ATP8A2: variants seen among roughly 807,000 people sequenced by gnomAD.
The protein encoded by ATP8A2 is phospholipid-transporting ATPase IB.
In ATP8A2, 100 loss-of-function variants were observed where a neutral mutation model predicts 165.6. The ratio of observed to expected loss-of-function variants is 0.60; its 90% CI spans 0.51 to 0.71. ATP8A2 has a LOEUF of 0.71. Ranked by LOEUF, ATP8A2 falls within the 30% of genes least tolerant of loss-of-function variation. ATP8A2 has a pLI of 0.00. For missense variants in ATP8A2, 1,227 were observed against 1,479.5 expected (o/e 0.83, Z 2.80); for synonymous variants, 543 against 548.8 (o/e 0.99, Z 0.15).
In ATP8A2 at chr13:26,012,569, G is replaced by GGAAGACGCCCCC; in HGVS notation, c.3419_3430dup (p.Lys1140_Pro1143dup). Reference sequence around the variant, plus strand: ...GACCGCCTGATCAAGAGGCTGGGCCGGAAGACGCCCCCGACGCTGTTCCGG... The same window carrying GGAAGACGCCCCC: ...GACCGCCTGATCAAGAGGCTGGGCCGGAAGACGCCCCCGAAGACGCCCCCGACGCTGTTCCGG... On this transcript the variant is annotated inframe_insertion, in exon 36 of 37. Coordinates refer to ENST00000381655, the MANE Select transcript of ATP8A2 (RefSeq NM_016529.6). The GGAAGACGCCCCC allele has an allele frequency of 5.9e-6, 9 of 1,532,370 alleles. No individual in the cohort carries two copies. Among genetic ancestry groups the GGAAGACGCCCCC allele is most frequent in the Non-Finnish European group, 7.9e-6 (9 of 1,139,478 alleles). 94.9% of individuals were successfully genotyped at this position (1,532,370 alleles called of 1,614,324 possible). A position where few individuals can be genotyped will look rare whatever the true frequency, so the allele number is the denominator to read the frequency against.
intron 24 of ATP8A2, among the ~76,000 whole-genome samples, chr13:25,658,573 A>G (rs2041983771): frequency 6.6e-6 from 1 of 152,214 alleles, no homozygotes; most frequent in Non-Finnish European, 1.5e-5. Flanking sequence ...TGAGAGGCAG[A>G]GGTTGCAGTG....
At chr13:25,648,179 G>A (rs1419486655) in intron 24 of ATP8A2, among the ~76,000 whole-genome samples, 1 of 151,924 alleles carries the variant, frequency 6.6e-6, no homozygotes, top group African/African-American at 2.4e-5. Context: ...TCTTTTCTCA[G>A]ATTAATTGAG....
intron 33 of ATP8A2, among the ~76,000 whole-genome samples, chr13:25,945,426 A>G (rs1248168785): frequency 2.0e-5 from 3 of 152,240 alleles, no homozygotes; most frequent in Non-Finnish European, 4.4e-5. Flanking sequence ...TGAAAGAAAG[A>G]AATCAACATT....
At position 25,880,192 on chromosome 13, in the gene ATP8A2, G is replaced by A. The variant is rs558115164; in HGVS notation, c.3183+17784G>A. Among the ~76,000 whole-genome samples the A allele has an allele frequency of 3.9e-5, 6 of 152,248 alleles. No individual in the cohort carries two copies. In the East Asian group the frequency reaches 7.7e-4, roughly 20 times the overall value. On this transcript the variant is annotated intron_variant, in intron 33 of 36. Transcript: ENST00000381655. ...GACTACATGTAATCATACATAATTC[G>A]TCAGTGTCTAAAGCAATTTGAATAA...
chr13:26,003,404 C>T (rs1956675652), intron 35 of ATP8A2, among the ~76,000 whole-genome samples: 1 of 151,084 alleles, frequency 6.6e-6, no homozygotes, highest in Admixed American at 6.6e-5. Flanking sequence ...TGTTTGTGTT[C>T]CTTGTGTATT....
chr13:25,823,908 C>G (rs1951242476), intron 27 of ATP8A2, among the ~76,000 whole-genome samples: 1 of 152,058 alleles, frequency 6.6e-6, no homozygotes, highest in Non-Finnish European at 1.5e-5. Flanking sequence ...TTAAAGTCTT[C>G]TGACCTTTGC....
intron 16 of ATP8A2, among the ~76,000 whole-genome samples, chr13:25,566,956 C>T (rs1308569318): frequency 6.6e-6 from 1 of 152,156 alleles, no homozygotes; most frequent in African/African-American, 2.4e-5. Flanking sequence ...ATCCCATTCT[C>T]TTTGGTGACT....
chr13:25,616,785 C>T (rs2040838087), intron 24 of ATP8A2, among the ~76,000 whole-genome samples: 1 of 152,106 alleles, frequency 6.6e-6, no homozygotes, highest in Admixed American at 6.6e-5. Flanking sequence ...CACCAGGGTT[C>T]ACCCTAAAAT....
At chr13:25,702,131 AT>A (rs1253405043) in intron 25 of ATP8A2, among the ~76,000 whole-genome samples, 7 of 152,312 alleles carry the variant, frequency 4.6e-5, no homozygotes, top group South Asian at 2.1e-4. Context: ...GTTGACCTTA[AT>A]TTTCACTTTT....
At chr13:25,655,167 T>G (rs1272765711) in intron 24 of ATP8A2, among the ~76,000 whole-genome samples, 1 of 152,194 alleles carries the variant, frequency 6.6e-6, no homozygotes, top group African/African-American at 2.4e-5. Context: ...TTTTCTTTTT[T>G]TCTTTTCTTT....
intron 1 of ATP8A2, among the ~76,000 whole-genome samples, chr13:25,424,494 T>G (rs1353680995): frequency 6.6e-6 from 1 of 152,256 alleles, no homozygotes; most frequent in Non-Finnish European, 1.5e-5. Context: ...CAGGGACCTC[T>G]GAGCAGGATG....
chr13:25,784,488 G>C (rs952901678), intron 27 of ATP8A2, among the ~76,000 whole-genome samples: 2 of 152,204 alleles, frequency 1.3e-5, no homozygotes, highest in African/African-American at 4.8e-5. Flanking sequence ...TTGCAGGCAA[G>C]GGGTGAATGT....
chr13:25,888,390 CTGA>C lies in ATP8A2; in HGVS notation c.3183+25984_3183+25986del, dbSNP rs1953233831. On this transcript the variant is annotated intron_variant, in intron 33 of 36. Coordinates refer to ENST00000381655, the MANE Select transcript of ATP8A2 (RefSeq NM_016529.6). Reference sequence around the variant, plus strand: ...TTTTGTATAAAACTTCCGGAATTGGCTGATAAGGGGACTTTCCTTTTTCTTCTG... The same window carrying C: ...TTTTGTATAAAACTTCCGGAATTGGCTAAGGGGACTTTCCTTTTTCTTCTG... Among the ~76,000 whole-genome samples the C allele has an allele frequency of 2.0e-5, 3 of 152,296 alleles. No homozygotes were observed. In the East Asian group the frequency reaches 5.8e-4, roughly 29 times the overall value.
At chr13:25,619,318 C>G (rs946033741) in intron 24 of ATP8A2, among the ~76,000 whole-genome samples, 1 of 152,098 alleles carries the variant, frequency 6.6e-6, no homozygotes, top group African/African-American at 2.4e-5. Flanking sequence ...GACTCAGGAC[C>G]CTCAGACTCT....
chr13:25,714,739 A>G (rs952781667), intron 25 of ATP8A2, among the ~76,000 whole-genome samples: 2 of 152,216 alleles, frequency 1.3e-5, no homozygotes, highest in African/African-American at 2.4e-5. Context: ...GATTGTAACT[A>G]TGGAAAATGT....
chr13:25,523,272 C>CTTTTTT (rs71077476), intron 2 of ATP8A2, among the ~76,000 whole-genome samples: 1 of 135,734 alleles, frequency 7.4e-6, no homozygotes. Flanking sequence ...TTTAGGATAA[C>CTTTTTT]TTTTTTTTTT....
intron 24 of ATP8A2, among the ~76,000 whole-genome samples, chr13:25,606,567 C>T (rs2040522527): frequency 6.6e-6 from 1 of 152,132 alleles, no homozygotes; most frequent in Non-Finnish European, 1.5e-5. Flanking sequence ...AAATTATAAG[C>T]CTACTGGAAA....
At chr13:25,623,850 T>TA (rs1440943509) in intron 24 of ATP8A2, among the ~76,000 whole-genome samples, 1 of 152,030 alleles carries the variant, frequency 6.6e-6, no homozygotes, top group African/African-American at 2.4e-5. Context: ...TATAAATGCA[T>TA]AAATTATGCA....
intron 24 of ATP8A2, among the ~76,000 whole-genome samples, chr13:25,601,336 C>T (rs2040380387): frequency 6.6e-6 from 1 of 152,220 alleles, no homozygotes; most frequent in South Asian, 2.1e-4. Context: ...TATGCATAGG[C>T]ATAATGTCAT....
Sources: gnomAD v4.1 joint callset for allele counts (sites outside exome capture counted in the v4.1 genomes callset) on GRCh38, gnomAD v4.1.1 for gene constraint, MANE v1.5 for transcripts, NCBI Gene and HGNC (gene_info 2026-07-23, HGNC 2026-07-21) for gene names.